Variants in CDH18 observed in about 807,000 individuals in gnomAD.
The protein encoded by CDH18 is cadherin-18.
In CDH18, 31 loss-of-function variants were observed where a neutral mutation model predicts 67.9. The observed-to-expected ratio is 0.46, with a 90% confidence interval of 0.34 to 0.62. The LOEUF (loss-of-function observed/expected upper bound fraction) is 0.62, where lower values mean the gene tolerates loss of function less well. CDH18 is among the 20% of genes least tolerant of loss of function. The pLI is 0.01. For missense variants in CDH18, 890 were observed against 975.5 expected, an observed-to-expected ratio of 0.91 and a Z score of 1.17; for synonymous variants, 362 against 347.2, an observed-to-expected ratio of 1.04 and a Z score of -0.48.
At chr5:19,999,391 G>A (rs114700283) in intron 2 of CDH18, among the ~76,000 whole-genome samples, 1 of 152,250 alleles carries the variant, frequency 6.6e-6, no homozygotes, top group East Asian at 1.9e-4. Context: ...CCTGAGATCA[G>A]GAGTTTGAGA....
intron 7 of CDH18, among the ~76,000 whole-genome samples, chr5:19,582,358 C>A (rs1483858934): frequency 6.6e-6 from 1 of 151,946 alleles, no homozygotes; most frequent in Non-Finnish European, 1.5e-5. Context: ...ACTGCATAAA[C>A]TGTATTTTAG....
chr5:19,599,428 C>T lies in CDH18; in HGVS notation c.812-8184G>A, dbSNP rs995926179. Among the ~76,000 whole-genome samples, 6 of 152,068 alleles carry T rather than the reference C, an allele frequency of 3.9e-5. No individual in the cohort carries two copies. In the East Asian group the frequency reaches 7.7e-4, roughly 20 times the overall value. On this transcript the variant is annotated intron_variant, in intron 6 of 12. Coordinates refer to ENST00000382275, the MANE Select transcript of CDH18 (RefSeq NM_004934.5). ...AAAACAGATGTTATGCTGCTTTACA[C>T]GTAGCTCTGCTTTTATGAATATAAA... is the stretch of plus-strand genomic sequence containing the variant.
chr5:19,728,996 C>G (rs1767236064), intron 4 of CDH18, among the ~76,000 whole-genome samples: 1 of 152,088 alleles, frequency 6.6e-6, no homozygotes, highest in African/African-American at 2.4e-5. Flanking sequence ...TAACTCAAGT[C>G]ACTGAATTGA....
intron 8 of CDH18, among the ~76,000 whole-genome samples, chr5:19,550,816 C>T (rs1170586581): frequency 1.3e-5 from 2 of 152,084 alleles, no homozygotes; most frequent in Admixed American, 1.3e-4. Context: ...ATTTCTAGTT[C>T]TAGATCCCTG....
At chr5:19,651,991 G>C (rs1032220002) in intron 5 of CDH18, among the ~76,000 whole-genome samples, 3 of 151,810 alleles carry the variant, frequency 2.0e-5, no homozygotes, top group Non-Finnish European at 2.9e-5. Context: ...ACATATCCAG[G>C]CTTAAGTAAA....
At chr5:19,513,850 TG>T (rs1456701197) in intron 10 of CDH18, among the ~76,000 whole-genome samples, 1 of 152,134 alleles carries the variant, frequency 6.6e-6, no homozygotes, top group Non-Finnish European at 1.5e-5. Flanking sequence ...ATTTGCAATA[TG>T]ATTTTTTTTT....
At chr5:19,720,231 T>C (rs1765905097) in intron 5 of CDH18, among the ~76,000 whole-genome samples, 1 of 152,122 alleles carries the variant, frequency 6.6e-6, no homozygotes, top group Admixed American at 6.6e-5. Context: ...GAAAAATGGG[T>C]TATATGCTAT....
chr5:19,646,981 T>C (rs1408907022), intron 5 of CDH18, among the ~76,000 whole-genome samples: 1 of 152,154 alleles, frequency 6.6e-6, no homozygotes. Flanking sequence ...GGGAGAACCA[T>C]AATGGAAGGA....
At chr5:19,524,169 T>C (rs1261480515) in intron 9 of CDH18, among the ~76,000 whole-genome samples, 1 of 151,724 alleles carries the variant, frequency 6.6e-6, no homozygotes, top group East Asian at 1.9e-4. Context: ...TATCAAGAAT[T>C]ACATTATATA....
At chr5:19,692,555 T>A (rs992353205) in intron 5 of CDH18, among the ~76,000 whole-genome samples, 1 of 151,748 alleles carries the variant, frequency 6.6e-6, no homozygotes, top group African/African-American at 2.4e-5. Context: ...AATGATCTAA[T>A]TAAAAAGTGA....
chr5:20,039,924 G>A (rs1374071992), intron 2 of CDH18, among the ~76,000 whole-genome samples: 1 of 151,980 alleles, frequency 6.6e-6, no homozygotes, highest in Admixed American at 6.6e-5. Context: ...TACAGAATGG[G>A]AAAAAATTTT....
At chr5:19,822,062 A>G (rs2133079) in intron 3 of CDH18, among the ~76,000 whole-genome samples, 94,093 of 151,982 alleles carry the variant, frequency 0.62, 29,837 homozygotes, top group African/African-American at 0.73. Context: ...TTGAGACTAC[A>G]ATATAAACAG....
chr5:19,693,336 A>T (rs1762140026), intron 5 of CDH18, among the ~76,000 whole-genome samples: 1 of 152,224 alleles, frequency 6.6e-6, no homozygotes, highest in South Asian at 2.1e-4. Flanking sequence ...ATTAGAAATT[A>T]TGTGAAAGAA....
intron 1 of CDH18, among the ~76,000 whole-genome samples, chr5:20,564,229 C>T (rs529321660): frequency 9.0e-4 from 135 of 149,286 alleles, no homozygotes; most frequent in African/African-American, 3.1e-3. Flanking sequence ...TCTTAATCTT[C>T]CCACAATTAT....
intron 1 of CDH18, among the ~76,000 whole-genome samples, chr5:20,301,397 A>G (rs1156306904): frequency 6.6e-6 from 1 of 152,158 alleles, no homozygotes; most frequent in Non-Finnish European, 1.5e-5. Flanking sequence ...CTCCATTACA[A>G]TTGTGTCTGC....
intron 3 of CDH18, among the ~76,000 whole-genome samples, chr5:19,824,439 C>T (rs557573883): frequency 1.5e-3 from 234 of 152,276 alleles, no homozygotes; most frequent in African/African-American, 5.4e-3. Flanking sequence ...ATGTTCTCCA[C>T]AGGAACTTGT....
At chr5:19,516,860 A>G (rs191446597) in intron 10 of CDH18, among the ~76,000 whole-genome samples, 1 of 151,928 alleles carries the variant, frequency 6.6e-6, no homozygotes, top group East Asian at 1.9e-4. Flanking sequence ...AATTCACCAC[A>G]ATTTGCTTAA....
intron 2 of CDH18, among the ~76,000 whole-genome samples, chr5:20,080,868 A>C (rs550600415): frequency 3.3e-5 from 5 of 152,152 alleles, no homozygotes; most frequent in Non-Finnish European, 5.9e-5. Flanking sequence ...AAATCTTTTC[A>C]AGATCAGAGC....
At chr5:20,129,251 C>A (rs142177685) in intron 2 of CDH18, among the ~76,000 whole-genome samples, 18 of 151,896 alleles carry the variant, frequency 1.2e-4, no homozygotes, top group African/African-American at 3.6e-4. Context: ...GAAAAAATAT[C>A]CCCCAAAATA....
Sources: allele counts gnomAD v4.1 joint callset (sites outside exome capture counted in the v4.1 genomes callset), GRCh38; gene constraint gnomAD v4.1.1; transcripts MANE v1.5; gene names NCBI Gene and HGNC (gene_info 2026-07-23, HGNC 2026-07-21).